Variants in NEGR1 observed in about 807,000 individuals in gnomAD.
NEGR1 encodes the protein neuronal growth regulator 1.
Under a neutral mutation model 40.9 loss-of-function variants are expected in NEGR1, and 10 were observed. The observed-to-expected ratio is 0.24, with a 90% confidence interval of 0.15 to 0.42. The LOEUF (loss-of-function observed/expected upper bound fraction) is 0.42. NEGR1 is among the 10% of genes least tolerant of loss of function. The pLI, the probability that NEGR1 is intolerant of heterozygous loss-of-function variation, is 1.00. For missense variants in NEGR1, 352 were observed against 438.9 expected (o/e 0.80, Z 1.77); for synonymous variants, 185 against 166.8 (o/e 1.11, Z -0.84).
At chr1:71,817,714 G>A (rs754435503) in intron 2 of NEGR1, among the ~76,000 whole-genome samples, 5 of 152,046 alleles carry the variant, frequency 3.3e-5, no homozygotes, top group Non-Finnish European at 7.4e-5. Flanking sequence ...CTGGTAGAGT[G>A]TGAGGATGTA....
In NEGR1 at chr1:71,792,055, G is replaced by C. The variant is rs184884240; in HGVS notation, c.410-15758C>G. On this transcript the variant is annotated intron_variant, in intron 2 of 6. Transcript: ENST00000357731. ...ATGAGAATAAATTATAGAGGACTTT[G>C]AGTTAAAACATTGCTAAAATAATGG... is the stretch of plus-strand genomic sequence containing the variant. Among the ~76,000 whole-genome samples the C allele has an allele frequency of 2.4e-3, 367 of 152,172 alleles. 3 individuals carry two copies. Among genetic ancestry groups the C allele is most frequent in the African/African-American group, 7.7e-3 (318 of 41,540 alleles).
chr1:72,180,332 C>A (rs1652318902), intron 1 of NEGR1, among the ~76,000 whole-genome samples: 1 of 151,330 alleles, frequency 6.6e-6, no homozygotes. Flanking sequence ...ATAAAAGACC[C>A]AAACATAAAA....
At chr1:71,429,422 A>G (rs1180374945) in intron 6 of NEGR1, among the ~76,000 whole-genome samples, 1 of 152,192 alleles carries the variant, frequency 6.6e-6, no homozygotes, top group African/African-American at 2.4e-5. Flanking sequence ...GTTGCACAGT[A>G]AAATCCTTAT....
At chr1:71,725,841 A>G (rs1365794850) in intron 3 of NEGR1, among the ~76,000 whole-genome samples, 1 of 152,102 alleles carries the variant, frequency 6.6e-6, no homozygotes, top group Non-Finnish European at 1.5e-5. Context: ...TCTATGCCAA[A>G]TGATGTCAAT....
chr1:72,254,843 TTG>T (rs1655214413), intron 1 of NEGR1, among the ~76,000 whole-genome samples: 1 of 151,868 alleles, frequency 6.6e-6, no homozygotes, highest in Non-Finnish European at 1.5e-5. Flanking sequence ...GTTTAAAAAC[TTG>T]TCTCTTTCAT....
intron 2 of NEGR1, among the ~76,000 whole-genome samples, chr1:71,913,855 G>GAAAAAAA (rs10642966): frequency 7.8e-6 from 1 of 128,588 alleles, no homozygotes. Flanking sequence ...TGAAGGAAAG[G>GAAAAAAA]AAAAAAAAAA....
chr1:71,984,600 C>T (rs1337252548), intron 1 of NEGR1, among the ~76,000 whole-genome samples: 1 of 152,170 alleles, frequency 6.6e-6, no homozygotes, highest in South Asian at 2.1e-4. Context: ...TTTAATCTCA[C>T]TCTCATTGAA....
At chr1:72,270,187 C>A (rs1655795498) in intron 1 of NEGR1, among the ~76,000 whole-genome samples, 1 of 151,784 alleles carries the variant, frequency 6.6e-6, no homozygotes, top group South Asian at 2.1e-4. Flanking sequence ...AAAGAAATAG[C>A]TTATTGTACA....
At chr1:71,717,300 C>T (rs574876508) in intron 3 of NEGR1, among the ~76,000 whole-genome samples, 1 of 152,316 alleles carries the variant, frequency 6.6e-6, no homozygotes, top group Middle Eastern at 3.4e-3. Context: ...GTTTACATGT[C>T]CTCTATGCCT....
intron 2 of NEGR1, among the ~76,000 whole-genome samples, chr1:71,895,982 T>A (rs1394046815): frequency 8.5e-5 from 13 of 152,094 alleles, no homozygotes. Flanking sequence ...TAGTGTATGT[T>A]AAGTGGCATC....
intron 4 of NEGR1, among the ~76,000 whole-genome samples, chr1:71,633,214 T>C (rs1270196072): frequency 6.6e-6 from 1 of 152,098 alleles, no homozygotes; most frequent in African/African-American, 2.4e-5. Flanking sequence ...CTACACACAT[T>C]CATAACCAGT....
At chr1:71,864,161 G>T (rs1439758563) in intron 2 of NEGR1, among the ~76,000 whole-genome samples, 3 of 152,170 alleles carry the variant, frequency 2.0e-5, no homozygotes, top group African/African-American at 7.2e-5. Flanking sequence ...GTCTTAGGGA[G>T]AGGTCGCCTG....
intron 6 of NEGR1, among the ~76,000 whole-genome samples, chr1:71,563,247 G>A (rs1277837798): frequency 2.0e-5 from 3 of 151,852 alleles, no homozygotes; most frequent in African/African-American, 2.4e-5. Flanking sequence ...GCTGACTCTG[G>A]GAGATACTTA....
At chr1:71,672,487 T>G (rs1570180300) in intron 4 of NEGR1, among the ~76,000 whole-genome samples, 1 of 152,052 alleles carries the variant, frequency 6.6e-6, no homozygotes, top group East Asian at 1.9e-4. Flanking sequence ...CCTGGCAGAG[T>G]GATATATTAT....
intron 6 of NEGR1, among the ~76,000 whole-genome samples, chr1:71,578,648 T>G (rs1311500225): frequency 6.6e-6 from 1 of 152,080 alleles, no homozygotes; most frequent in Non-Finnish European, 1.5e-5. Flanking sequence ...GGGGGCTTCT[T>G]GAAACATCCT....
intron 2 of NEGR1, among the ~76,000 whole-genome samples, chr1:71,783,501 T>G (rs1656793054): frequency 6.6e-6 from 1 of 152,164 alleles, no homozygotes; most frequent in Non-Finnish European, 1.5e-5. Flanking sequence ...TTATGGCATT[T>G]CAGAGATTTC....
At chr1:72,080,100 C>T (rs1216223182) in intron 1 of NEGR1, among the ~76,000 whole-genome samples, 2 of 151,974 alleles carry the variant, frequency 1.3e-5, no homozygotes, top group Non-Finnish European at 2.9e-5. Flanking sequence ...TGTGCAATCC[C>T]CATGATGTTC....
chr1:71,780,040 C>CAAAAAAAAAAAA (rs57576840), intron 2 of NEGR1, among the ~76,000 whole-genome samples: 1,110 of 99,728 alleles, frequency 0.011, 14 homozygotes, highest in African/African-American at 0.031. Flanking sequence ...ATAGGAAAAC[C>CAAAAAAAAAAAA]AAAAAAAAAA....
intron 1 of NEGR1, among the ~76,000 whole-genome samples, chr1:72,052,482 G>T (rs1647071244): frequency 6.6e-6 from 1 of 151,342 alleles, no homozygotes; most frequent in Non-Finnish European, 1.5e-5. Context: ...GACAAAAGAA[G>T]CCCTAATTCC....
Sources: allele counts gnomAD v4.1 joint callset (sites outside exome capture counted in the v4.1 genomes callset), GRCh38; gene constraint gnomAD v4.1.1; transcripts MANE v1.5; gene names NCBI Gene and HGNC (gene_info 2026-07-23, HGNC 2026-07-21).